Variants in POFUT3 observed in about 807,000 individuals in gnomAD.
POFUT3 encodes protein O-fucosyltransferase 3, also known as GDP-fucose protein O-fucosyltransferase 3.
the POFUT3 span, among the ~76,000 whole-genome samples, chr8:33,388,741 G>A: frequency 3.1e-3 from 470 of 152,240 alleles, 2 homozygotes; most frequent in Middle Eastern, 6.8e-3. Context: ...AACAATAAAG[G>A]AGAATGAAGG....
At chr8:33,389,771 G>A in the POFUT3 span, 3 of 1,613,796 alleles carry the variant, frequency 1.9e-6, no homozygotes, top group East Asian at 4.5e-5. Context: ...CCGAGGCAGA[G>A]GTAAGCTATC....
chr8:33,384,649 G>A, the POFUT3 span, among the ~76,000 whole-genome samples: 3 of 151,978 alleles, frequency 2.0e-5, no homozygotes, highest in South Asian at 4.1e-4. Flanking sequence ...GTGAAACCCC[G>A]TCTCTACTAA....
chr8:33,449,282 T>A, the POFUT3 span, among the ~76,000 whole-genome samples: 1 of 35,040 alleles, frequency 2.9e-5, no homozygotes, highest in East Asian at 6.2e-4. Context: ...GAGTTGATTT[T>A]TTTTTTTTTT....
the POFUT3 span, among the ~76,000 whole-genome samples, chr8:33,437,407 A>T: frequency 6.6e-6 from 1 of 152,016 alleles, no homozygotes; most frequent in Non-Finnish European, 1.5e-5. Flanking sequence ...AAAAAAAAGC[A>T]GACTGCCAGC....
chr8:33,361,633 T>C, the POFUT3 span, among the ~76,000 whole-genome samples: 1 of 152,344 alleles, frequency 6.6e-6, no homozygotes, highest in African/African-American at 2.4e-5. Context: ...AGCAATTTTG[T>C]GACTTCCATT....
chr8:33,456,267 CTA>C, the POFUT3 span, among the ~76,000 whole-genome samples: 1 of 152,302 alleles, frequency 6.6e-6, no homozygotes, highest in East Asian at 1.9e-4. Flanking sequence ...TCAATATCTA[CTA>C]TGTGAGTTAT....
At chr8:33,407,896 G>A in the POFUT3 span, among the ~76,000 whole-genome samples, 3 of 150,792 alleles carry the variant, frequency 2.0e-5, no homozygotes, top group East Asian at 2.0e-4. Context: ...ACAGCTACTC[G>A]GGATCGGCCT....
At chr8:33,366,633 A>G in the POFUT3 span, among the ~76,000 whole-genome samples, 580 of 152,284 alleles carry the variant, frequency 3.8e-3, 3 homozygotes, top group African/African-American at 0.013. Flanking sequence ...AAGTATTGCA[A>G]AGTTGTCAAG....
the POFUT3 span, among the ~76,000 whole-genome samples, chr8:33,429,877 T>C: frequency 3.3e-5 from 5 of 151,342 alleles, no homozygotes; most frequent in Non-Finnish European, 7.4e-5. Context: ...GCACCTGTAG[T>C]CCCAGCTACT....
chr8:33,329,514 C>A, the POFUT3 span, among the ~76,000 whole-genome samples: 1 of 152,064 alleles, frequency 6.6e-6, no homozygotes, highest in Non-Finnish European at 1.5e-5. Context: ...GATACTGGAC[C>A]CATAACTATT....
the POFUT3 span, among the ~76,000 whole-genome samples, chr8:33,421,951 G>A: frequency 2.7e-5 from 4 of 148,432 alleles, no homozygotes; most frequent in African/African-American, 1.0e-4. Context: ...AAGGAAAAAA[G>A]AACAAACTTT....
the POFUT3 span, among the ~76,000 whole-genome samples, chr8:33,354,317 C>A: frequency 6.6e-6 from 1 of 152,008 alleles, no homozygotes; most frequent in Admixed American, 6.6e-5. Flanking sequence ...ATCTGGAGAA[C>A]GAGGAGGGTT....
At chr8:33,431,998 T>G in the POFUT3 span, among the ~76,000 whole-genome samples, 1 of 152,136 alleles carries the variant, frequency 6.6e-6, no homozygotes, top group East Asian at 1.9e-4. Context: ...TTTGGGGACC[T>G]GGCACAGTGG....
At chr8:33,386,260 G>A in the POFUT3 span, among the ~76,000 whole-genome samples, 1 of 147,782 alleles carries the variant, frequency 6.8e-6, no homozygotes, top group Non-Finnish European at 1.5e-5. Flanking sequence ...GTTTTATTCT[G>A]CTTTTCAATA....
the POFUT3 span, among the ~76,000 whole-genome samples, chr8:33,327,204 G>C: frequency 6.6e-6 from 1 of 152,174 alleles, no homozygotes; most frequent in African/African-American, 2.4e-5. Flanking sequence ...GTTTGCTGAA[G>C]AGCTTCTTTG....
At chr8:33,432,239 G>A in the POFUT3 span, among the ~76,000 whole-genome samples, 39 of 151,770 alleles carry the variant, frequency 2.6e-4, no homozygotes, top group Non-Finnish European at 3.5e-4. Context: ...GTGAAACCCC[G>A]TCTCTACTAA....
the POFUT3 span, among the ~76,000 whole-genome samples, chr8:33,427,931 C>G: frequency 6.6e-6 from 1 of 152,140 alleles, no homozygotes; most frequent in Non-Finnish European, 1.5e-5. Flanking sequence ...TCAAGACCAT[C>G]CTGGCCAACA....
the POFUT3 span, among the ~76,000 whole-genome samples, chr8:33,320,709 T>C: frequency 6.6e-6 from 1 of 152,068 alleles, no homozygotes; most frequent in Non-Finnish European, 1.5e-5. Flanking sequence ...GACTGGAAGC[T>C]GAAGTGGAGC....
chr8:33,361,054 T>A, the POFUT3 span: 2 of 152,152 alleles, frequency 1.3e-5, no homozygotes, highest in Admixed American at 1.3e-4. Context: ...GGTGAATGAG[T>A]CTTCTTATTA....
Sources: gnomAD v4.1 joint callset for allele counts (sites outside exome capture counted in the v4.1 genomes callset) on GRCh38, gnomAD v4.1.1 for gene constraint, MANE v1.5 for transcripts, NCBI Gene and HGNC (gene_info 2026-07-23, HGNC 2026-07-21) for gene names.